The following NRXN3 variants were observed in gnomAD, a reference collection of about 807,000 sequenced individuals.
NRXN3 encodes neurexin 3, also known as neurexin III.
In NRXN3, 32 loss-of-function variants were observed where a neutral mutation model predicts 137.6. The ratio of observed to expected loss-of-function variants is 0.23; its 90% CI spans 0.18 to 0.31. NRXN3 has a LOEUF of 0.31. Ranked by LOEUF, NRXN3 falls within the 10% of genes least tolerant of loss-of-function variation. The probability of loss-of-function intolerance (pLI) is 1.00; values close to 1 mark genes in which losing one functional copy is unlikely to be tolerated. For synonymous variants in NRXN3, 798 were observed against 784.5 expected (o/e 1.02, Z -0.29); for missense variants, 1,574 against 2,062.5 (o/e 0.76, Z 4.59).
chr14:78,617,114 C>T (rs1218284679), intron 4 of NRXN3, among the ~76,000 whole-genome samples: 3 of 152,042 alleles, frequency 2.0e-5, no homozygotes, highest in Admixed American at 1.3e-4. Flanking sequence ...AAACAAAAGC[C>T]CTGATATGTA....
chr14:78,801,430 G>C (rs1031956820), intron 8 of NRXN3, among the ~76,000 whole-genome samples: 1 of 152,222 alleles, frequency 6.6e-6, no homozygotes, highest in African/African-American at 2.4e-5. Context: ...CAATCTGATG[G>C]AAAGGGAAGC....
rs768071550 is a variant in NRXN3, at chr14:78,243,149, G to C, written c.56G>C (p.Gly19Ala). The C allele has an allele frequency of 1.9e-6, 3 of 1,546,118 alleles. No homozygotes were observed. In the African/African-American group the frequency reaches 4.1e-5, roughly 21 times the overall value. Reference sequence around the variant, plus strand: ...ACCCTGAAGGTCAGCATCCTGCTGGGGTCCCTGCTGGGGCTCTGCCTGGGC... The same window carrying C: ...ACCCTGAAGGTCAGCATCCTGCTGGCGTCCCTGCTGGGGCTCTGCCTGGGC... ...FFTLKVSILL[G>A]SLLGLCLGLE... Residue 19 changes from glycine to alanine, a missense_variant, in exon 2 of 21, where the codon GGG becomes GCG. By Grantham distance (60) the Gly-to-Ala change is moderately conservative. This residue lies in a region of NRXN3 where 400 missense variants were observed against 527.3 expected (regional missense o/e 0.76). Coordinates refer to ENST00000335750, the MANE Select transcript of NRXN3 (RefSeq NM_001330195.2). The surrounding 1 kb of genome is among the most constrained non-coding windows in gnomAD (Gnocchi z 4.2).
intron 10 of NRXN3, among the ~76,000 whole-genome samples, chr14:78,812,175 G>T (rs1031000664): frequency 2.0e-5 from 3 of 152,098 alleles, no homozygotes; most frequent in African/African-American, 7.2e-5. Flanking sequence ...CTGGTCATTT[G>T]TAGCTAATCC....
At chr14:78,427,082 G>T (rs1212134274) in intron 4 of NRXN3, among the ~76,000 whole-genome samples, 1 of 152,100 alleles carries the variant, frequency 6.6e-6, no homozygotes, top group East Asian at 1.9e-4. Flanking sequence ...GAGCAAAAGG[G>T]TCAAGGGGAA....
chr14:79,772,153 C>T (rs1309942829), intron 19 of NRXN3, among the ~76,000 whole-genome samples: 1 of 151,878 alleles, frequency 6.6e-6, no homozygotes, highest in East Asian at 1.9e-4. Context: ...AAGAACATTC[C>T]ATGCTCATGG....
intron 4 of NRXN3, among the ~76,000 whole-genome samples, chr14:78,407,858 C>T (rs1015729846): frequency 1.3e-5 from 2 of 152,174 alleles, no homozygotes; most frequent in Admixed American, 1.3e-4. Context: ...AGTGCTGCTC[C>T]TCCCTCACTG....
intron 4 of NRXN3, among the ~76,000 whole-genome samples, chr14:78,376,577 G>A (rs1442970584): frequency 2.0e-5 from 3 of 152,164 alleles, no homozygotes; most frequent in Non-Finnish European, 2.9e-5. Context: ...GGACTCGTGG[G>A]AATACATGGT....
At chr14:78,913,574 G>A (rs543661470) in intron 10 of NRXN3, among the ~76,000 whole-genome samples, 10 of 151,894 alleles carry the variant, frequency 6.6e-5, no homozygotes, top group East Asian at 3.9e-4. Context: ...CACCGCGGCC[G>A]GCCACCTCTA....
chr14:79,400,814 T>C (rs1443551895), intron 15 of NRXN3, among the ~76,000 whole-genome samples: 2 of 152,190 alleles, frequency 1.3e-5, no homozygotes, highest in African/African-American at 2.4e-5. Context: ...GAGGTGGCTA[T>C]TGTGAATTGG....
Position 79,504,674 on chromosome 14 carries a change from T to TAA in NRXN3, c.3444+37275_3444+37276dup, listed in dbSNP as rs1555492027. Reference sequence around the variant, plus strand: ...ATATATGTATATATATATATATATATAAAACATTACACATTTAGGACATTT... The same window carrying TAA: ...ATATATGTATATATATATATATATATAAAAAACATTACACATTTAGGACATTT... On this transcript the variant is annotated intron_variant, in intron 16 of 20. Transcript: ENST00000335750. Among the ~76,000 whole-genome samples the TAA allele has an allele frequency of 8.6e-4, 124 of 143,452 alleles. 2 individuals are homozygous for TAA. The highest frequency in any genetic ancestry group is 2.9e-3 in the African/African-American group (110 of 38,406). The allele number at this position is 143,452 out of a possible 152,430, so 94.1% of individuals were successfully genotyped here.
chr14:79,762,759 G>A (rs879799710), intron 19 of NRXN3, among the ~76,000 whole-genome samples: 3 of 151,616 alleles, frequency 2.0e-5, no homozygotes, highest in Non-Finnish European at 2.9e-5. Flanking sequence ...AGTTGTAGTG[G>A]CTATTTTTCA....
intron 6 of NRXN3, among the ~76,000 whole-genome samples, chr14:78,685,456 C>T (rs2098117043): frequency 6.6e-6 from 1 of 152,010 alleles, no homozygotes; most frequent in African/African-American, 2.4e-5. Context: ...ATGTGCACCT[C>T]CTCATTCACC....
intron 4 of NRXN3, among the ~76,000 whole-genome samples, chr14:78,538,664 G>T (rs903516804): frequency 1.4e-5 from 2 of 142,474 alleles, no homozygotes; most frequent in Non-Finnish European, 3.2e-5. Flanking sequence ...AATGGGAGTG[G>T]TGAGAGAGGG....
chr14:79,701,544 C>T (rs2154032053), intron 19 of NRXN3, among the ~76,000 whole-genome samples: 1 of 152,096 alleles, frequency 6.6e-6, no homozygotes, highest in Middle Eastern at 3.4e-3. Flanking sequence ...CTTGTGGTTT[C>T]TCCAGCAAAG....
intron 4 of NRXN3, among the ~76,000 whole-genome samples, chr14:78,551,087 TAATA>T (rs2096683907): frequency 6.6e-6 from 1 of 152,154 alleles, no homozygotes; most frequent in Non-Finnish European, 1.5e-5. Flanking sequence ...TGAGAGTAAA[TAATA>T]TATGTGAGAA....
At chr14:79,631,557 G>T (rs1450060928) in intron 16 of NRXN3, among the ~76,000 whole-genome samples, 1 of 152,378 alleles carries the variant, frequency 6.6e-6, no homozygotes, top group East Asian at 1.9e-4. Flanking sequence ...TGCCTGCTGG[G>T]CTTGAAAAGG....
intron 7 of NRXN3, among the ~76,000 whole-genome samples, chr14:78,713,251 C>T (rs1043461374): frequency 6.6e-6 from 1 of 152,108 alleles, no homozygotes; most frequent in Non-Finnish European, 1.5e-5. Context: ...AACTCCAACC[C>T]CTTCCTGGGT....
At chr14:78,274,110 T>A (rs1054328821) in intron 2 of NRXN3, among the ~76,000 whole-genome samples, 3 of 152,058 alleles carry the variant, frequency 2.0e-5, no homozygotes, top group Admixed American at 1.3e-4. Context: ...AAGAGTGAGG[T>A]GGGAGGACTA....
At chr14:78,552,126 C>A (rs918271) in intron 4 of NRXN3, among the ~76,000 whole-genome samples, 35,811 of 152,036 alleles carry the variant, frequency 0.24, 4,511 homozygotes, top group Middle Eastern at 0.31. Flanking sequence ...GATTTCAGTC[C>A]TAAGTCTGTC....
Sources: gnomAD v4.1 joint callset for allele counts (sites outside exome capture counted in the v4.1 genomes callset) on GRCh38, gnomAD v4.1.1 for gene constraint, gnomAD v4.1.1 regional missense constraint, Gnocchi (gnomAD v3.1) non-coding constraint, MANE v1.5 for transcripts, NCBI Gene and HGNC (gene_info 2026-07-23, HGNC 2026-07-21) for gene names.